DCTN4: variants seen among roughly 807,000 people sequenced by gnomAD.
DCTN4 encodes dynactin subunit 4.
A neutral mutation model predicts 62.7 loss-of-function variants in DCTN4; 23 were observed. That is an observed-to-expected ratio of 0.37 (90% CI 0.26 to 0.52). The LOEUF (loss-of-function observed/expected upper bound fraction) is 0.52. Among genes scored for constraint, DCTN4 ranks in the 20% least tolerant of loss-of-function variants. The pLI is 0.92. For synonymous variants in DCTN4, 199 were observed against 202.1 expected, an observed-to-expected ratio of 0.98 and a Z score of 0.13; for missense variants, 514 against 580.4, an observed-to-expected ratio of 0.89 and a Z score of 1.18.
At chr5:150,746,572 T>C (rs1189080693) in intron 3 of DCTN4, among the ~76,000 whole-genome samples, 1 of 152,102 alleles carries the variant, frequency 6.6e-6, no homozygotes, top group African/African-American at 2.4e-5. Flanking sequence ...CAGCAGCACA[T>C]CAAAAAGCTT....
intron 4 of DCTN4, among the ~76,000 whole-genome samples, chr5:150,740,718 C>A (rs1001287455): frequency 3.9e-5 from 6 of 151,950 alleles, no homozygotes; most frequent in African/African-American, 1.5e-4. Context: ...ACTACTCAGC[C>A]ATAAAAACTA....
At chr5:150,740,972 A>AC (rs1760747074) in intron 4 of DCTN4, among the ~76,000 whole-genome samples, 1 of 152,136 alleles carries the variant, frequency 6.6e-6, no homozygotes, top group Non-Finnish European at 1.5e-5. Context: ...TGATAGGTAC[A>AC]CCAAAATCTC....
At chr5:150,733,295 G>A in intron 5 of DCTN4, 73 bp downstream of exon 5, 1 of 1,051,388 alleles carries the variant, frequency 9.5e-7, no homozygotes, top group South Asian at 1.4e-5. Context: ...CTAGGACAAT[G>A]GCCATTTTCT....
intron 1 of DCTN4, among the ~76,000 whole-genome samples, chr5:150,757,290 C>T (rs114615542): frequency 1.8e-3 from 280 of 152,246 alleles, no homozygotes; most frequent in African/African-American, 6.4e-3. Flanking sequence ...TGCTAACTAA[C>T]CTCTGCACTG....
At chr5:150,731,200 T>G (rs757394889) in intron 6 of DCTN4, 44 bp from the exon 7 acceptor site, 2 of 1,322,998 alleles carry the variant, frequency 1.5e-6, no homozygotes, top group Non-Finnish European at 2.2e-6. Context: ...AAAAGAGTAA[T>G]TTCTCACGGA....
intron 4 of DCTN4, among the ~76,000 whole-genome samples, chr5:150,734,938 A>G (rs1760520863): frequency 6.6e-6 from 1 of 152,124 alleles, no homozygotes; most frequent in Non-Finnish European, 1.5e-5. Flanking sequence ...ACATAACTCC[A>G]TTGGCCTGAG....
rs10044819 is a variant in DCTN4, at chr5:150,710,786, A to G, written c.*363T>C. On this transcript the variant is annotated 3_prime_UTR_variant, in exon 13 of 13. Transcript: ENST00000447998. ...TTATCATTTAAGTTTCATCTGTGACATTGTGATCCTTAGTGAGATCAGATC... is the reference window on the plus strand; with the variant it reads ...TTATCATTTAAGTTTCATCTGTGACGTTGTGATCCTTAGTGAGATCAGATC... 1.7e-3 allele frequency: 417 copies of G among 240,674 alleles called. 2 individuals are homozygous for G. The highest frequency in any genetic ancestry group is 8.4e-3 in the African/African-American group (383 of 45,632). The allele number at this position is 240,674 out of a possible 1,614,324, so 14.9% of individuals were successfully genotyped here.
At chr5:150,746,740 C>A (rs1328632126) in intron 3 of DCTN4, among the ~76,000 whole-genome samples, 4 of 152,234 alleles carry the variant, frequency 2.6e-5, no homozygotes, top group South Asian at 2.1e-4. Flanking sequence ...ATTCAACAGC[C>A]CTTCATGCTA....
chr5:150,720,161 A>C (rs1474730975), intron 9 of DCTN4, among the ~76,000 whole-genome samples: 1 of 152,242 alleles, frequency 6.6e-6, no homozygotes, highest in African/African-American at 2.4e-5. Flanking sequence ...AATGCTTTGA[A>C]AAGTGCTTGG....
chr5:150,745,126 G>A (rs1459660283), intron 3 of DCTN4, among the ~76,000 whole-genome samples: 3 of 150,360 alleles, frequency 2.0e-5, no homozygotes, highest in Non-Finnish European at 4.4e-5. Context: ...ACAAAAAAAG[G>A]CAGGGGTTGC....
At chr5:150,754,130 G>A (rs192126501) in intron 2 of DCTN4, among the ~76,000 whole-genome samples, 12 of 152,348 alleles carry the variant, frequency 7.9e-5, no homozygotes, top group African/African-American at 2.9e-4. Flanking sequence ...GAATGGTTCA[G>A]AAGCAGCATA....
At chr5:150,721,313 G>C (rs1281028667) in intron 9 of DCTN4, among the ~76,000 whole-genome samples, 1 of 152,046 alleles carries the variant, frequency 6.6e-6, no homozygotes, top group Non-Finnish European at 1.5e-5. Flanking sequence ...TTAACTTTTG[G>C]TTAAACTGTT....
chr5:150,753,648 AT>A lies in DCTN4; in HGVS notation c.215del (p.Asn72IlefsTer32), dbSNP rs745579647. ...EAKLKKNRCA[N>X]CFDCPGCMHT... ...GCATGCAGCCAGGACAGTCAAAACA[AT>A]TGGCACATCTGTGACATGACAAACA... On this transcript the variant is annotated frameshift_variant, in exon 3 of 13. Transcript: ENST00000447998. LOFTEE classifies it high-confidence loss of function. 1 of 1,611,794 alleles carries A rather than the reference AT, an allele frequency of 6.2e-7. No homozygotes were observed. The highest frequency in any genetic ancestry group is 2.2e-5 in the East Asian group (1 of 44,858).
intron 3 of DCTN4, among the ~76,000 whole-genome samples, chr5:150,750,818 AG>A (rs1464521077): frequency 2.0e-5 from 3 of 152,216 alleles, no homozygotes; most frequent in Non-Finnish European, 4.4e-5. Flanking sequence ...AAGATAAAGT[AG>A]GGGGAGGGCT....
rs199528880 is a variant in DCTN4 at position 150,718,335 on chromosome 5, G to A, written c.1012C>T (p.His338Tyr). Residue 338 changes from histidine (H) to tyrosine (Y), a missense_variant, in exon 11 of 13, where the codon CAT becomes TAT. Coordinates refer to ENST00000447998, the MANE Select transcript of DCTN4 (RefSeq NM_016221.4). ...TCCTCACACTCGAAGAGAGTCACAT[G>A]GGTGAGGTTCTCAACTGGATTTGTA... ...TLTNPVENLTHVTLFECEEGD... is the reference protein window; with the variant it reads ...TLTNPVENLTYVTLFECEEGD... 6.2e-7 allele frequency: 1 copy of A among 1,614,004 alleles called. No homozygotes were observed. The highest frequency in any genetic ancestry group is 8.5e-7 in the Non-Finnish European group (1 of 1,179,996).
At chr5:150,730,997 G>A in intron 7 of DCTN4, 47 bp downstream of exon 7, 1 of 1,165,926 alleles carries the variant, frequency 8.6e-7, no homozygotes, top group Non-Finnish European at 1.3e-6. Flanking sequence ...AACAAAAACA[G>A]AATTAGATGT....
chr5:150,720,570 C>A (rs1463420621), intron 9 of DCTN4, among the ~76,000 whole-genome samples: 2 of 151,910 alleles, frequency 1.3e-5, no homozygotes, highest in African/African-American at 4.8e-5. Flanking sequence ...CCTCGACCCC[C>A]CAGGCTCAAG....
chr5:150,730,307 T>C (rs1760311855), intron 8 of DCTN4, among the ~76,000 whole-genome samples: 1 of 152,256 alleles, frequency 6.6e-6, no homozygotes, highest in Non-Finnish European at 1.5e-5. Context: ...TTATTTTTTA[T>C]TGGTCCTCCC....
At chr5:150,746,769 G>A (rs564787715) in intron 3 of DCTN4, among the ~76,000 whole-genome samples, 1,686 of 152,212 alleles carry the variant, frequency 0.011, 29 homozygotes, top group African/African-American at 0.037. Context: ...CAATAAATTC[G>A]GTATTGATGG....
Sources: gnomAD v4.1 joint callset for allele counts (sites outside exome capture counted in the v4.1 genomes callset) on GRCh38, gnomAD v4.1.1 for gene constraint, MANE v1.5 for transcripts, NCBI Gene and HGNC (gene_info 2026-07-23, HGNC 2026-07-21) for gene names.